Variants in FBN3 observed in about 807,000 individuals in gnomAD.
The protein encoded by FBN3 is fibrillin-3.
Under a neutral mutation model 330.1 loss-of-function variants are expected in FBN3, and 234 were observed. The ratio of observed to expected loss-of-function variants is 0.71; its 90% CI spans 0.64 to 0.79. FBN3 has a LOEUF of 0.79. Among genes scored for constraint, FBN3 ranks in the 30% least tolerant of loss-of-function variants. The pLI is 0.00. For synonymous variants in FBN3, 1,458 were observed against 1,517.3 expected, an observed-to-expected ratio of 0.96 and a Z score of 0.91; for missense variants, 3,606 against 3,886.9, an observed-to-expected ratio of 0.93 and a Z score of 1.92.
At chr19:8,115,474 C>T (rs781488201) in intron 30 of FBN3, 41 bp downstream of exon 30, 7 of 1,605,906 alleles carry the variant, frequency 4.4e-6, no homozygotes, top group Non-Finnish European at 5.9e-6. Flanking sequence ...AAAATGGCCC[C>T]GGGGAGTCCC....
At chr19:8,125,720 G>A (rs1439848621) in intron 22 of FBN3, among the ~76,000 whole-genome samples, 172 bp downstream of exon 22, 4 of 150,266 alleles carry the variant, frequency 2.7e-5, no homozygotes, top group Non-Finnish European at 5.9e-5. Context: ...GAACCCGGGA[G>A]GCGGAAGTTA....
chr19:8,081,087 A>G lies in FBN3; in HGVS notation c.7369T>C (p.Cys2457Arg), dbSNP rs1329735360. The G allele has an allele frequency of 6.2e-7, 1 of 1,613,798 alleles. No homozygotes were observed. The highest frequency in any genetic ancestry group is 2.2e-5 in the East Asian group (1 of 44,874). The stretch of plus-strand genomic sequence containing the variant: ...ACAGTGTTGACACAGAGGAACTGAC[A>G]GTTGTGCTGCCGGGAGGTGCATTCG... ...LDECTSRQHNCQFLCVNTVGA... is the reference protein window; with the variant it reads ...LDECTSRQHNRQFLCVNTVGA... The change falls in exon 59 of 64, where the codon TGT (cysteine) becomes CGT (arginine). Residue 2457 changes from cysteine (C) to arginine (R), a missense_variant. Physicochemically the swap from Cys to Arg is radical, Grantham distance 180 (BLOSUM62 -3). Transcript: ENST00000600128.
chr19:8,090,119 A>G lies in FBN3; in HGVS notation c.6164T>C (p.Leu2055Pro). Residue 2055 changes from leucine (L) to proline (P), a missense_variant, in exon 49 of 64, where the codon CTG becomes CCG. Physicochemically the swap from Leu to Pro is moderately conservative, Grantham distance 98. Coordinates refer to ENST00000600128, the MANE Select transcript of FBN3 (RefSeq NM_032447.5). ...PGEGWGDPCE[L>P]CPQEGSAAFQ... is the part of the protein sequence containing the mutation. ...CTCACCGCTGCCCTCCTGGGGACACAGTTCGCAGGGGTCTCCCCAGCCCTC... is the reference window on the plus strand; with the variant it reads ...CTCACCGCTGCCCTCCTGGGGACACGGTTCGCAGGGGTCTCCCCAGCCCTC... 6.2e-7 allele frequency: 1 copy of G among 1,613,800 alleles called. No homozygotes were observed.
In FBN3 at chr19:8,097,001, C is replaced by T. The variant is rs759106137; in HGVS notation, c.5293G>A (p.Asp1765Asn). ...NSILLACEDVDECGSRESPCQ... is the reference protein window; with the variant it reads ...NSILLACEDVNECGSRESPCQ... Reference sequence around the variant, plus strand: ...GGACTCTCCCTGCTGCCACACTCATCGACATCTGGGAAAATACAGCAAATG... The same window carrying T: ...GGACTCTCCCTGCTGCCACACTCATTGACATCTGGGAAAATACAGCAAATG... The change falls in exon 43 of 64, where the codon GAT becomes AAT. Residue 1765 changes from aspartate to asparagine, a missense_variant. Physicochemically the swap from Asp to Asn is conservative, Grantham distance 23. Transcript: ENST00000600128. 57 of 1,612,804 alleles carry T rather than the reference C, an allele frequency of 3.5e-5. No individual in the cohort carries two copies. The highest frequency in any genetic ancestry group is 3.2e-4 in the Admixed American group (19 of 59,986).
chr19:8,133,611 C>T (rs539948338), intron 13 of FBN3, among the ~76,000 whole-genome samples: 7 of 151,930 alleles, frequency 4.6e-5, no homozygotes, highest in Non-Finnish European at 8.8e-5. Flanking sequence ...CCACCACGCC[C>T]GGCTAATTGT....
At chr19:8,086,736 A>C (rs1228397591) in intron 54 of FBN3, among the ~76,000 whole-genome samples, 1 of 150,404 alleles carries the variant, frequency 6.6e-6, no homozygotes, top group African/African-American at 2.4e-5. Flanking sequence ...CCAAAGTGCT[A>C]GGATTACAGG....
chr19:8,131,942 G>T lies in FBN3; in HGVS notation c.1715-113C>A. On this transcript the variant is annotated intron_variant, in intron 14 of 63. Transcript: ENST00000600128. This position sits in a 1 kb window ranked among gnomAD's most constrained non-coding sequence, Gnocchi z 4.5. ...AGCCATTCTATTTCTTTCCTTTCCA[G>T]TTTCTTGTCTTTCCAGTTTCCTGTT... is the stretch of plus-strand genomic sequence containing the variant. 1.6e-6 allele frequency: 2 copies of T among 1,256,954 alleles called. No homozygotes were observed. Among genetic ancestry groups the T allele is most frequent in the Non-Finnish European group, 2.1e-6 (2 of 950,028 alleles). The allele number at this position is 1,256,954 out of a possible 1,614,324, so 77.9% of individuals were successfully genotyped here. A position where few individuals can be genotyped will look rare whatever the true frequency, so the allele number is the denominator to read the frequency against.
intron 56 of FBN3, among the ~76,000 whole-genome samples, chr19:8,084,655 C>T (rs776391474): frequency 2.4e-4 from 35 of 148,612 alleles, no homozygotes; most frequent in South Asian, 6.4e-4. Context: ...GGCGTGATCT[C>T]GTCTCACTGC....
chr19:8,121,186 C>G lies in FBN3; in HGVS notation c.3211+72G>C. 2.9e-6 allele frequency: 4 copies of G among 1,369,270 alleles called. No individual in the cohort carries two copies. Among genetic ancestry groups the G allele is most frequent in the Admixed American group, 2.2e-5 (1 of 46,058 alleles). 84.8% of individuals were successfully genotyped at this position (1,369,270 alleles called of 1,614,324 possible). A position where few individuals can be genotyped will look rare whatever the true frequency, so the allele number is the denominator to read the frequency against. On this transcript the variant is annotated intron_variant, in intron 25 of 63. Coordinates refer to ENST00000600128, the MANE Select transcript of FBN3 (RefSeq NM_032447.5). The surrounding 1 kb of genome is among the most constrained non-coding windows in gnomAD (Gnocchi z 4.5). ...TCCACGTCCACACAGCAACAGCCGT[C>G]CCCACCCTCCCTCTCCTCAATGCCC...
At position 8,117,284 on chromosome 19, in the gene FBN3, G is replaced by A. The variant is rs376298588; in HGVS notation, c.3471C>T (p.Asn1157=). Residue 1157 remains asparagine, a synonymous_variant, in exon 28 of 64, where the codon AAC becomes AAT. Coordinates refer to ENST00000600128, the MANE Select transcript of FBN3 (RefSeq NM_032447.5). ...ACCCACCATTCTGGACCCGGCATTC[G>A]TTGATGTCTGCAGGATGCAGGGCAG... The part of the protein sequence containing the change: ...TPDRQGCVDI[N]ECRVQNGGCD... 40 of 1,511,626 alleles carry A rather than the reference G, an allele frequency of 2.6e-5. 1 individual carries two copies. The Middle Eastern group carries it at 5.4e-4, about 20-fold the overall frequency. The allele number at this position is 1,511,626 out of a possible 1,614,324, so 93.6% of individuals were successfully genotyped here.
At chr19:8,088,317 C>CA (rs1296808742) in intron 51 of FBN3, 138 bp from the exon 52 acceptor site, 1 of 1,053,088 alleles carries the variant, frequency 9.5e-7, no homozygotes, top group African/African-American at 1.6e-5. Context: ...ATGGGGCAGG[C>CA]AAGCGGTATG....
intron 38 of FBN3, among the ~76,000 whole-genome samples, chr19:8,104,981 G>C (rs1297440748): frequency 1.3e-5 from 2 of 149,014 alleles, no homozygotes; most frequent in Non-Finnish European, 3.0e-5. Context: ...TTGAGACAGA[G>C]TCTCACTCTG....
rs773743456 is a variant in FBN3, at chr19:8,094,437, G to A, written c.5905+9C>T. 11 of 1,607,686 alleles carry A rather than the reference G, an allele frequency of 6.8e-6. No homozygotes were observed. Among genetic ancestry groups the A allele is most frequent in the Non-Finnish European group, 9.4e-6 (11 of 1,175,690 alleles). ...GGCGCCAGAAACGGGAGTGGGGCTG[G>A]ACACTCACCAATGCAGTGGTCACTC... On this transcript the variant is annotated intron_variant, in intron 47 of 63. Transcript: ENST00000600128.
intron 10 of FBN3, among the ~76,000 whole-genome samples, chr19:8,136,855 C>A (rs1895942490): frequency 6.7e-6 from 1 of 150,346 alleles, no homozygotes; most frequent in African/African-American, 2.5e-5. Flanking sequence ...ATCCCTCCAA[C>A]CTGGGACCTG....
At chr19:8,089,358 A>G (rs926466567) in intron 51 of FBN3, among the ~76,000 whole-genome samples, 187 bp downstream of exon 51, 1 of 152,222 alleles carries the variant, frequency 6.6e-6, no homozygotes, top group African/African-American at 2.4e-5. Flanking sequence ...AATGAGCAAG[A>G]AAATGAGTGA....
chr19:8,146,275 G>T (rs369355090), intron 3 of FBN3, 50 bp from the exon 4 acceptor site: 1 of 1,477,768 alleles, frequency 6.8e-7, no homozygotes, highest in Non-Finnish European at 9.3e-7. Flanking sequence ...AGCCTGGGCC[G>T]TCCCTGCTCC....
rs2083143391 is a variant in FBN3 at position 8,131,423 on chromosome 19, A to G, written c.1990+131T>C. 2.1e-6 allele frequency: 3 copies of G among 1,450,564 alleles called. No individual in the cohort carries two copies. Among genetic ancestry groups the G allele is most frequent in the South Asian group, 1.3e-5 (1 of 78,824 alleles). 89.9% of individuals were successfully genotyped at this position (1,450,564 alleles called of 1,614,324 possible). ...GACACAACTCCAACCCCGGGGAGGG[A>G]GCAACTCCCTTCAGCCTCTTTTTGG... On this transcript the variant is annotated intron_variant, in intron 15 of 63. Coordinates refer to ENST00000600128, the MANE Select transcript of FBN3 (RefSeq NM_032447.5). This position sits in a 1 kb window ranked among gnomAD's most constrained non-coding sequence, Gnocchi z 4.5.
At chr19:8,145,449 G>C (rs574988564) in intron 5 of FBN3, among the ~76,000 whole-genome samples, 22 of 151,256 alleles carry the variant, frequency 1.5e-4, no homozygotes, top group Admixed American at 5.9e-4. Flanking sequence ...GGGAGGCTGA[G>C]GCGGGCGGAT....
chr19:8,085,620 G>T, intron 55 of FBN3, 51 bp from the exon 56 acceptor site: 2 of 1,400,722 alleles, frequency 1.4e-6, no homozygotes, highest in Non-Finnish European at 1.9e-6. Context: ...GCTGGTTTGG[G>T]GGCAAAGACT....
Sources: allele counts gnomAD v4.1 joint callset (sites outside exome capture counted in the v4.1 genomes callset), GRCh38; gene constraint gnomAD v4.1.1; non-coding constraint Gnocchi (gnomAD v3.1); transcripts MANE v1.5; gene names NCBI Gene and HGNC (gene_info 2026-07-23, HGNC 2026-07-21).